PDE6B: variants seen among roughly 807,000 people sequenced by gnomAD.
PDE6B encodes the protein phosphodiesterase 6B, also known as rod cGMP-specific 3',5'-cyclic phosphodiesterase subunit beta.
Under a neutral mutation model 109.0 loss-of-function variants are expected in PDE6B, and 106 were observed. The ratio of observed to expected loss-of-function variants is 0.97; its 90% confidence interval spans 0.83 to 1.14. The LOEUF is 1.14. Ranked by LOEUF, PDE6B falls within the 50% of genes most tolerant of loss-of-function variation. The probability of loss-of-function intolerance (pLI) is 0.00; values close to 1 mark genes in which losing one functional copy is unlikely to be tolerated. For missense variants in PDE6B, 1,193 were observed against 1,155.6 expected (o/e 1.03, Z -0.47); for synonymous variants, 490 against 471.3 (o/e 1.04, Z -0.51).
chr4:637,099 A>G (rs1734723828), intron 3 of PDE6B, among the ~76,000 whole-genome samples: 1 of 152,202 alleles, frequency 6.6e-6, no homozygotes, highest in Non-Finnish European at 1.5e-5. Flanking sequence ...CTTAGGTTAT[A>G]ATTCAATATG....
intron 11 of PDE6B, 42 bp downstream of exon 11, chr4:659,059 G>A (rs374791828): frequency 1.5e-5 from 22 of 1,425,372 alleles, no homozygotes; most frequent in Admixed American, 8.4e-5. Context: ...GGCCGGCCAC[G>A]TGTGAGGCTG....
Position 654,842 on chromosome 4 carries a change from G to C in PDE6B, c.946G>C (p.Val316Leu). 1 of 1,573,242 alleles carries C rather than the reference G, an allele frequency of 6.4e-7. No individual in the cohort carries two copies. The highest frequency in any genetic ancestry group is 8.7e-7 in the Non-Finnish European group (1 of 1,142,944). ...TTCTCAGGAAATTGTCTTCTACAAAGTGATCGACTACGTCCTCCACGGCAA... is the reference window on the plus strand; with the variant it reads ...TTCTCAGGAAATTGTCTTCTACAAACTGATCGACTACGTCCTCCACGGCAA... Reference protein sequence around the residue: ...PDGREIVFYKVIDYVLHGKEE... With the variant: ...PDGREIVFYKLIDYVLHGKEE... The change falls in exon 6 of 22, where the codon GTG (valine) becomes CTG (leucine). Residue 316 changes from valine (V) to leucine (L), a missense_variant. Coordinates refer to ENST00000496514, the MANE Select transcript of PDE6B (RefSeq NM_000283.4).
rs1470086286 is a variant in PDE6B at position 634,743 on chromosome 4, CCCAT to C, written c.537_540del (p.Ile180Ter). 6.2e-7 allele frequency: 1 copy of C among 1,611,824 alleles called. No individual in the cohort carries two copies. The highest frequency in any genetic ancestry group is 8.5e-7 in the Non-Finnish European group (1 of 1,177,974). On this transcript the variant is annotated frameshift_variant, in exon 2 of 22. Transcript: ENST00000496514. LOFTEE classifies it high-confidence loss of function. ...CAAGACAAAGAATATGCTGGCCACA[CCCAT>C]CATGAATGGCAAAGACGTCGTGGCG...
chr4:662,578 G>C lies in PDE6B; in HGVS notation c.1792G>C (p.Asp598His). 6.2e-7 allele frequency: 1 copy of C among 1,612,738 alleles called. No individual in the cohort carries two copies. The highest frequency in any genetic ancestry group is 1.1e-5 in the South Asian group (1 of 91,072). ...CATGGTGACAGCCGGCCTGTGCCAT[G>C]ACATCGACCACCGCGGCACCAACAA... ...FAMVTAGLCH[D>H]IDHRGTNNLY... The change falls in exon 14 of 22, where the codon GAC becomes CAC. Residue 598 changes from aspartate (D) to histidine (H), a missense_variant. Physicochemically the swap from Asp to His is moderately conservative, Grantham distance 81. Coordinates refer to ENST00000496514, the MANE Select transcript of PDE6B (RefSeq NM_000283.4). The surrounding 1 kb of genome is among the most constrained non-coding windows in gnomAD (Gnocchi z 4.3).
intron 3 of PDE6B, among the ~76,000 whole-genome samples, chr4:649,460 C>G (rs75915825): frequency 0.1 from 15,473 of 152,160 alleles, 1,160 homozygotes; most frequent in Non-Finnish European, 0.16. Flanking sequence ...GGCCGAGGCC[C>G]GTCCTAGCGA....
Position 666,515 on chromosome 4 carries a change from C to G in PDE6B, c.2269-16C>G. The G allele has an allele frequency of 1.3e-6, 2 of 1,595,874 alleles. No individual in the cohort carries two copies. Among genetic ancestry groups the G allele is most frequent in the South Asian group, 1.1e-5 (1 of 90,706 alleles). On this transcript the variant is annotated splice_polypyrimidine_tract_variant and intron_variant, in intron 19 of 21. Coordinates refer to ENST00000496514, the MANE Select transcript of PDE6B (RefSeq NM_000283.4). The surrounding 1 kb of genome is among the most constrained non-coding windows in gnomAD (Gnocchi z 5.6). ...TCCCTGGTCACTGTTCTCCCGCCCT[C>G]TGTTCCTCCCACCAGCCTATGATGG... is the stretch of plus-strand genomic sequence containing the variant.
rs1737801605 is a variant in PDE6B at position 666,443 on chromosome 4, A to G, written c.2269-88A>G. Reference sequence around the variant, plus strand: ...TCCCAGGCTGTGTCTCCATGAGCACATCTGAGTGAGGGGGTCGGGGGGCTG... The same window carrying G: ...TCCCAGGCTGTGTCTCCATGAGCACGTCTGAGTGAGGGGGTCGGGGGGCTG... On this transcript the variant is annotated intron_variant, in intron 19 of 21. Transcript: ENST00000496514. This position sits in a 1 kb window ranked among gnomAD's most constrained non-coding sequence, Gnocchi z 5.6. 3 of 852,946 alleles carry G rather than the reference A, an allele frequency of 3.5e-6. No homozygotes were observed. Among genetic ancestry groups the G allele is most frequent in the African/African-American group, 1.7e-5 (1 of 60,240 alleles). 52.8% of individuals were successfully genotyped at this position (852,946 alleles called of 1,614,324 possible).
chr4:647,029 T>C (rs1258545571), intron 3 of PDE6B, among the ~76,000 whole-genome samples: 1 of 151,800 alleles, frequency 6.6e-6, no homozygotes, highest in African/African-American at 2.4e-5. Context: ...CGGCTAATTT[T>C]TGTATTTTTA....
rs967276869 is a variant in PDE6B, at chr4:636,729, G to A, written c.711+760G>A. On this transcript the variant is annotated intron_variant, in intron 3 of 21. Coordinates refer to ENST00000496514, the MANE Select transcript of PDE6B (RefSeq NM_000283.4). This position sits in a 1 kb window ranked among gnomAD's most constrained non-coding sequence, Gnocchi z 4.5. The stretch of plus-strand genomic sequence containing the variant: ...CTGCCTGGCCCTGGTCACCTGCTGC[G>A]AGCCTGCTGAACGTGGCGAGAGGCT... Among the ~76,000 whole-genome samples the A allele has an allele frequency of 3.3e-5, 5 of 152,190 alleles. No homozygotes were observed. The highest frequency in any genetic ancestry group is 6.5e-5 in the Admixed American group (1 of 15,290).
At position 662,279 on chromosome 4, in the gene PDE6B, C is replaced by G. The variant is rs745694507; in HGVS notation, c.1722+38C>G. 5.0e-6 allele frequency: 6 copies of G among 1,190,302 alleles called. No homozygotes were observed. Among genetic ancestry groups the G allele is most frequent in the Non-Finnish European group, 7.3e-6 (6 of 818,100 alleles). 73.7% of individuals were successfully genotyped at this position (1,190,302 alleles called of 1,614,324 possible). A position where few individuals can be genotyped will look rare whatever the true frequency, so the allele number is the denominator to read the frequency against. On this transcript the variant is annotated intron_variant, in intron 13 of 21. Coordinates refer to ENST00000496514, the MANE Select transcript of PDE6B (RefSeq NM_000283.4). This position sits in a 1 kb window ranked among gnomAD's most constrained non-coding sequence, Gnocchi z 4.3. ...CAGAATCACCAGGGTTGTGCAGGCC[C>G]TCCTGGTACCAAGGGCAGCACTCAA...
At chr4:654,576 T>C (rs1313071914) in intron 5 of PDE6B, 1 of 618,226 alleles carries the variant, frequency 1.6e-6, no homozygotes, top group Non-Finnish European at 2.9e-6. Context: ...CCGTGAGTAT[T>C]GGGGACGGTC....
At chr4:643,868 C>T (rs1735063353) in intron 3 of PDE6B, among the ~76,000 whole-genome samples, 1 of 150,170 alleles carries the variant, frequency 6.7e-6, no homozygotes, top group East Asian at 1.9e-4. Context: ...TTCCCTGCAC[C>T]TGACAAATTC....
chr4:653,194 G>A, intron 3 of PDE6B: 1 of 1,000,262 alleles, frequency 1.0e-6, no homozygotes, highest in African/African-American at 1.7e-5. Flanking sequence ...CGGAGGAGAG[G>A]GAGCTGGCAC....
chr4:629,309 G>T (rs1203684696), intron 1 of PDE6B, among the ~76,000 whole-genome samples: 1 of 152,226 alleles, frequency 6.6e-6, no homozygotes, highest in Non-Finnish European at 1.5e-5. Flanking sequence ...ACCCCTTTGT[G>T]GCTCCTCAGA....
intron 3 of PDE6B, among the ~76,000 whole-genome samples, chr4:637,944 G>A (rs924354475): frequency 5.9e-5 from 9 of 152,166 alleles, no homozygotes; most frequent in African/African-American, 9.7e-5. Flanking sequence ...GGGAATAGCC[G>A]CGTCAGGACT....
chr4:651,139 A>G (rs1428978988), intron 3 of PDE6B, among the ~76,000 whole-genome samples: 1 of 142,984 alleles, frequency 7.0e-6, no homozygotes, highest in Non-Finnish European at 1.5e-5. Context: ...TGGGGCCGTC[A>G]CAGGCAGGAC....
chr4:639,207 C>A (rs1734833627), intron 3 of PDE6B, among the ~76,000 whole-genome samples: 1 of 151,440 alleles, frequency 6.6e-6, no homozygotes, highest in South Asian at 2.1e-4. Flanking sequence ...TGCGGTGGTG[C>A]AATCATAGCT....
Position 662,185 on chromosome 4 carries a change from T to A in PDE6B, c.1666T>A (p.Tyr556Asn). The A allele has an allele frequency of 6.3e-7, 1 of 1,582,088 alleles. No individual in the cohort carries two copies. Among genetic ancestry groups the A allele is most frequent in the South Asian group, 1.2e-5 (1 of 86,876 alleles). The change falls in exon 13 of 22, where the codon TAC becomes AAC. Residue 556 changes from tyrosine (Y) to asparagine (N), a missense_variant. By Grantham distance (143) the Tyr-to-Asn change is moderately radical. Transcript: ENST00000496514. The surrounding 1 kb of genome is among the most constrained non-coding windows in gnomAD (Gnocchi z 4.3). ...CAGCAAAGGGTACCGGAGAATCACC[T>A]ACCACAACTGGCGCCACGGCTTCAA... Reference protein sequence around the residue: ...SISKGYRRITYHNWRHGFNVA... With the variant: ...SISKGYRRITNHNWRHGFNVA...
Position 633,900 on chromosome 4 carries a change from G to C in PDE6B, c.469-777G>C, listed in dbSNP as rs551435094. On this transcript the variant is annotated intron_variant, in intron 1 of 21. Coordinates refer to ENST00000496514, the MANE Select transcript of PDE6B (RefSeq NM_000283.4). The surrounding 1 kb of genome is among the most constrained non-coding windows in gnomAD (Gnocchi z 4.5). ...TCTCAGTAACCCTCGCTGTGTCTGA[G>C]CTGAGGCAGAGCTCAGCTGACCTGT... Among the ~76,000 whole-genome samples, 21 of 152,260 alleles carry C rather than the reference G, an allele frequency of 1.4e-4. No individual in the cohort carries two copies. The highest frequency in any genetic ancestry group is 5.1e-4 in the African/African-American group (21 of 41,564).
Sources: allele counts gnomAD v4.1 joint callset (sites outside exome capture counted in the v4.1 genomes callset), GRCh38; gene constraint gnomAD v4.1.1; non-coding constraint Gnocchi (gnomAD v3.1); transcripts MANE v1.5; gene names NCBI Gene and HGNC (gene_info 2026-07-23, HGNC 2026-07-21).